The following TTC3 variants were observed in gnomAD, a reference collection of about 807,000 sequenced individuals.
The protein encoded by TTC3 is tetratricopeptide repeat domain 3.
Under a neutral mutation model 249.6 loss-of-function variants are expected in TTC3, and 180 were observed. That is an observed-to-expected ratio of 0.72 (90% CI 0.64 to 0.82). The LOEUF (loss-of-function observed/expected upper bound fraction) is 0.82, where lower values mean the gene tolerates loss of function less well. TTC3 is among the 40% of genes least tolerant of loss of function. The probability of loss-of-function intolerance (pLI) is 0.00; values close to 1 mark genes in which losing one functional copy is unlikely to be tolerated. For missense variants in TTC3, 2,061 were observed against 2,398.4 expected (o/e 0.86, Z 2.94); for synonymous variants, 717 against 805.0 (o/e 0.89, Z 1.85).
At chr21:37,078,867 G>A (rs753495070) in intron 1 of TTC3, among the ~76,000 whole-genome samples, 9 of 152,198 alleles carry the variant, frequency 5.9e-5, no homozygotes, top group South Asian at 2.1e-4. Flanking sequence ...CATTAGAAGC[G>A]ATTATAGTGG....
At chr21:37,090,555 C>T (rs1282006790) in intron 6 of TTC3, 2 of 937,834 alleles carry the variant, frequency 2.1e-6, no homozygotes, top group African/African-American at 3.6e-5. Flanking sequence ...ATTTACCTGG[C>T]TTATGTTTCC....
intron 7 of TTC3, 71 bp from the exon 8 acceptor site, chr21:37,093,934 T>C (rs2073622363): frequency 1.1e-6 from 1 of 952,170 alleles, no homozygotes. Flanking sequence ...AGAATTAGAA[T>C]ATTATCAATA....
In TTC3 at chr21:37,138,751, G is replaced by A. The variant is rs768641362; in HGVS notation, c.1659+37G>A. On this transcript the variant is annotated intron_variant, in intron 19 of 45. Transcript: ENST00000355666. Reference sequence around the variant, plus strand: ...AACAGTGGTAATAAACAATTAAAATGATATTGACATATCTTATAAAAATTA... The same window carrying A: ...AACAGTGGTAATAAACAATTAAAATAATATTGACATATCTTATAAAAATTA... 21 of 1,372,420 alleles carry A rather than the reference G, an allele frequency of 1.5e-5. No homozygotes were observed. The East Asian group carries it at 4.9e-4, about 32-fold the overall frequency. 85.0% of individuals were successfully genotyped at this position (1,372,420 alleles called of 1,614,324 possible). A position where few individuals can be genotyped will look rare whatever the true frequency, so the allele number is the denominator to read the frequency against.
intron 10 of TTC3, chr21:37,098,200 G>A (rs1395385063): frequency 2.9e-6 from 1 of 339,372 alleles, no homozygotes; most frequent in Non-Finnish European, 5.4e-6. Context: ...CATTTATTTT[G>A]TGCTGTTTGA....
At chr21:37,136,700 C>A (rs142630729) in intron 18 of TTC3, among the ~76,000 whole-genome samples, 1 of 152,146 alleles carries the variant, frequency 6.6e-6, no homozygotes, top group Non-Finnish European at 1.5e-5. Context: ...AGTAAGTTAT[C>A]GAGATCTAGT....
intron 18 of TTC3, 129 bp from the exon 19 acceptor site, chr21:37,138,505 A>AT: frequency 1.6e-6 from 1 of 637,234 alleles, no homozygotes; most frequent in Non-Finnish European, 2.8e-6. Context: ...GATTAGTGAG[A>AT]TTTTATGACA....
At chr21:37,186,664 C>T (rs1223836838) in intron 37 of TTC3, among the ~76,000 whole-genome samples, 12 of 152,166 alleles carry the variant, frequency 7.9e-5, no homozygotes, top group Non-Finnish European at 1.2e-4. Flanking sequence ...TGGGCCCAAG[C>T]GATCCGCCTG....
chr21:37,192,034 T>G (rs533535710), intron 40 of TTC3, 78 bp from the exon 41 acceptor site: 1 of 888,508 alleles, frequency 1.1e-6, no homozygotes, highest in Non-Finnish European at 1.7e-6. Flanking sequence ...ACAGTTATGT[T>G]TCATTTATAA....
chr21:37,096,847 G>T, intron 10 of TTC3: 1 of 446,698 alleles, frequency 2.2e-6, no homozygotes, highest in Non-Finnish European at 4.0e-6. Flanking sequence ...GCAGACATAT[G>T]TTAAGCATTA....
At chr21:37,165,475 A>AT in intron 32 of TTC3, 75 bp from the exon 33 acceptor site, 1 of 1,139,592 alleles carries the variant, frequency 8.8e-7, no homozygotes, top group South Asian at 1.6e-5. Flanking sequence ...CTTTGGGAGA[A>AT]TAAAAGTTTT....
chr21:37,154,335 G>A lies in TTC3; in HGVS notation c.2740+1058G>A, dbSNP rs974582227. On this transcript the variant is annotated intron_variant, in intron 27 of 45. Transcript: ENST00000355666. ...ATTAGAATTCTAGGGTTTCAGAGAA[G>A]ATACTGGTCAGCTTCTGCCAGAAGA... 3.9e-5 allele frequency among the ~76,000 whole-genome samples: 6 copies of A among 152,212 alleles called. No individual in the cohort carries two copies. In the East Asian group the frequency reaches 5.8e-4, roughly 15 times the overall value.
chr21:37,153,252 C>T (rs954323324), exon 27 of TTC3: 3 of 1,612,732 alleles, frequency 1.9e-6, no homozygotes, highest in Middle Eastern at 1.7e-4. Flanking sequence ...AATTAGCCGC[C>T]TGGATCCAAA....
intron 37 of TTC3, chr21:37,186,068 T>A (rs975994558): frequency 5.6e-5 from 9 of 161,608 alleles, no homozygotes; most frequent in Non-Finnish European, 1.3e-5. Flanking sequence ...ACTATAAACA[T>A]GTTGTAAAAA....
At chr21:37,091,235 A>T in intron 6 of TTC3, 58 bp from the exon 7 acceptor site, 5 of 1,548,306 alleles carry the variant, frequency 3.2e-6, no homozygotes, top group Non-Finnish European at 4.4e-6. Flanking sequence ...TTATAATGCC[A>T]CATGCAAATT....
At chr21:37,188,695 A>T in intron 39 of TTC3, 100 bp downstream of exon 39, 1 of 768,080 alleles carries the variant, frequency 1.3e-6, no homozygotes, top group Non-Finnish European at 2.0e-6. Context: ...TTTTATTTTT[A>T]ATAGTTATAT....
intron 20 of TTC3, among the ~76,000 whole-genome samples, chr21:37,143,007 A>C (rs566096854): frequency 6.6e-6 from 1 of 152,242 alleles, no homozygotes; most frequent in Non-Finnish European, 1.5e-5. Context: ...AGGATTCACT[A>C]TTCAACAAAT....
chr21:37,185,256 AGTGT>A, intron 36 of TTC3, among the ~76,000 whole-genome samples: 1 of 152,268 alleles, frequency 6.6e-6, no homozygotes. Flanking sequence ...AGAGAATGTG[AGTGT>A]GTGTGTGCGT....
chr21:37,167,687 G>A (rs1292233372), intron 34 of TTC3, 67 bp downstream of exon 34: 11 of 1,239,946 alleles, frequency 8.9e-6, no homozygotes, highest in Non-Finnish European at 1.1e-5. Context: ...ATGGAATGAT[G>A]AACTAGAACT....
exon 33 of TTC3, chr21:37,166,320 C>T (rs746208606): frequency 9.9e-6 from 16 of 1,614,078 alleles, no homozygotes; most frequent in African/African-American, 5.3e-5. Context: ...CCAGTGGTGC[C>T]GTCTTTTGTA....
Sources: allele counts gnomAD v4.1 joint callset (sites outside exome capture counted in the v4.1 genomes callset), GRCh38; gene constraint gnomAD v4.1.1; transcripts MANE v1.5; gene names NCBI Gene and HGNC (gene_info 2026-07-23, HGNC 2026-07-21).